CA10: variants seen among roughly 807,000 people sequenced by gnomAD.
CA10 encodes the protein carbonic anhydrase 10 (inactive), also known as carbonic anhydrase-related protein 10.
CA10 carries 14 observed loss-of-function variants against 44.2 expected under a neutral mutation model. The ratio of observed to expected loss-of-function variants is 0.32; its 90% CI spans 0.21 to 0.50. The LOEUF (loss-of-function observed/expected upper bound fraction) is 0.50. Ranked by LOEUF, CA10 falls within the 20% of genes least tolerant of loss-of-function variation. The pLI is 0.99. For synonymous variants in CA10, 159 were observed against 141.6 expected (o/e 1.12, Z -0.87); for missense variants, 350 against 409.7 (o/e 0.85, Z 1.26).
intron 3 of CA10, among the ~76,000 whole-genome samples, chr17:51,915,701 A>T (rs1469060691): frequency 6.6e-6 from 1 of 152,164 alleles, no homozygotes. Context: ...AATTCATCAC[A>T]AATCAGTATA....
At chr17:51,878,091 C>T (rs1489292471) in intron 3 of CA10, among the ~76,000 whole-genome samples, 1 of 138,414 alleles carries the variant, frequency 7.2e-6, no homozygotes. Flanking sequence ...TTACAGTGAG[C>T]CAAGATCGCA....
intron 2 of CA10, among the ~76,000 whole-genome samples, chr17:52,038,510 C>T (rs1288644193): frequency 6.6e-6 from 1 of 152,062 alleles, no homozygotes; most frequent in African/African-American, 2.4e-5. Context: ...CTGAATTAAA[C>T]ACTAAAGCAA....
chr17:51,779,261 T>G (rs1905950468), intron 3 of CA10, among the ~76,000 whole-genome samples: 1 of 152,106 alleles, frequency 6.6e-6, no homozygotes, highest in African/African-American at 2.4e-5. Flanking sequence ...GCCCTACATC[T>G]TCCCAGATGG....
intron 4 of CA10, among the ~76,000 whole-genome samples, chr17:51,706,399 C>T (rs1915763522): frequency 6.6e-6 from 1 of 152,198 alleles, no homozygotes; most frequent in African/African-American, 2.4e-5. Context: ...TTCTCCATAG[C>T]ATACCAAGTC....
intron 3 of CA10, among the ~76,000 whole-genome samples, chr17:51,885,701 C>G (rs538015275): frequency 6.6e-6 from 1 of 152,244 alleles, no homozygotes; most frequent in East Asian, 1.9e-4. Flanking sequence ...AAATCTTCTC[C>G]ATTCAACTGG....
intron 4 of CA10, among the ~76,000 whole-genome samples, chr17:51,726,201 T>C (rs1359279786): frequency 6.6e-6 from 1 of 152,182 alleles, no homozygotes; most frequent in Non-Finnish European, 1.5e-5. Context: ...TTTATGTAAA[T>C]GTGATGCCTC....
At chr17:52,092,628 G>C (rs1031121597) in intron 1 of CA10, among the ~76,000 whole-genome samples, 2 of 152,222 alleles carry the variant, frequency 1.3e-5, no homozygotes, top group South Asian at 2.1e-4. Context: ...AGAGCAACCA[G>C]CCCTCCATCC....
rs58984767 is a variant in CA10 at position 52,072,678 on chromosome 17, TACACACACAC to T, written c.62-295_62-286del. Among the ~76,000 whole-genome samples the T allele has an allele frequency of 6.9e-3, 967 of 140,174 alleles. 6 individuals are homozygous for T. The highest frequency in any genetic ancestry group is 0.018 in the African/African-American group (687 of 37,156). The allele number at this position is 140,174 out of a possible 152,430, so 92.0% of individuals were successfully genotyped here. A position where few individuals can be genotyped will look rare whatever the true frequency, so the allele number is the denominator to read the frequency against. On this transcript the variant is annotated intron_variant, in intron 1 of 8. Coordinates refer to ENST00000451037, the MANE Select transcript of CA10 (RefSeq NM_020178.5). ...CTACCTGTCCTCATCATCTTCCCCA[TACACACACAC>T]ACACACACACACACACACACACACA...
chr17:51,938,662 G>T (rs2144011038), intron 2 of CA10, among the ~76,000 whole-genome samples: 1 of 152,180 alleles, frequency 6.6e-6, no homozygotes, highest in African/African-American at 2.4e-5. Context: ...CCTTCTTCCT[G>T]TTTGTACTTG....
At chr17:51,740,195 C>A (rs1786806279) in intron 4 of CA10, among the ~76,000 whole-genome samples, 2 of 152,054 alleles carry the variant, frequency 1.3e-5, no homozygotes, top group South Asian at 4.2e-4. Context: ...CAATACGTAC[C>A]CTGTGCCCAT....
chr17:51,633,768 G>A (rs933673782), intron 7 of CA10, 118 bp from the exon 8 acceptor site: 17 of 1,081,152 alleles, frequency 1.6e-5, no homozygotes, highest in Middle Eastern at 3.1e-4. Flanking sequence ...GGAAAGGGCT[G>A]TATAAGCCCC....
At chr17:51,960,525 GA>G (rs767862909) in intron 2 of CA10, among the ~76,000 whole-genome samples, 1 of 152,042 alleles carries the variant, frequency 6.6e-6, no homozygotes, top group Admixed American at 6.5e-5. Context: ...TTTACATATA[GA>G]AAAAAATAAT....
intron 3 of CA10, among the ~76,000 whole-genome samples, chr17:51,899,876 TC>T: frequency 7.1e-6 from 1 of 141,236 alleles, no homozygotes; most frequent in African/African-American, 2.8e-5. Flanking sequence ...TGATTTGTTT[TC>T]CATTTGCTTG....
rs146485566 is a variant in CA10 at position 51,818,810 on chromosome 17, C to T, written c.280-70992G>A. On this transcript the variant is annotated intron_variant, in intron 3 of 8. Coordinates refer to ENST00000451037, the MANE Select transcript of CA10 (RefSeq NM_020178.5). ...TCCCTCCTGCAGATTCTTAGCTTCTCCATGTGTAAAACAAGAATAATAATA... is the reference window on the plus strand; with the variant it reads ...TCCCTCCTGCAGATTCTTAGCTTCTTCATGTGTAAAACAAGAATAATAATA... Among the ~76,000 whole-genome samples, 1,293 of 152,308 alleles carry T rather than the reference C, an allele frequency of 8.5e-3. 19 individuals carry two copies. The highest frequency in any genetic ancestry group is 0.029 in the African/African-American group (1,223 of 41,558).
chr17:51,688,331 C>T (rs1041448895), intron 4 of CA10, among the ~76,000 whole-genome samples: 5 of 152,152 alleles, frequency 3.3e-5, no homozygotes, highest in Non-Finnish European at 5.9e-5. Context: ...TTTTTTAAGT[C>T]ATTACATTTT....
chr17:51,925,246 C>T (rs203079), intron 3 of CA10, among the ~76,000 whole-genome samples: 103,282 of 151,826 alleles, frequency 0.68, 35,452 homozygotes, highest in Non-Finnish European at 0.71. Context: ...ATTATTTCTA[C>T]AACCTATCTC....
chr17:51,823,324 A>G (rs2075456), intron 3 of CA10, among the ~76,000 whole-genome samples: 10,406 of 152,254 alleles, frequency 0.068, 1,021 homozygotes, highest in African/African-American at 0.22. Flanking sequence ...CACTCAAGTC[A>G]CTGCAGTTCA....
intron 3 of CA10, among the ~76,000 whole-genome samples, chr17:51,841,583 C>G (rs1978320091): frequency 6.6e-6 from 1 of 152,170 alleles, no homozygotes. Context: ...AGAAATTGGA[C>G]TAGAGTTCAT....
At position 51,654,723 on chromosome 17, in the gene CA10, A is replaced by T. The variant is rs182636288; in HGVS notation, c.466-987T>A. ...AGGCGCATGTCACCACGCCAGGCTA[A>T]TTTTTTGTATTTTTAGTAGAGACGG... is the stretch of plus-strand genomic sequence containing the variant. On this transcript the variant is annotated intron_variant, in intron 4 of 8. Coordinates refer to ENST00000451037, the MANE Select transcript of CA10 (RefSeq NM_020178.5). Among the ~76,000 whole-genome samples the T allele has an allele frequency of 8.1e-3, 1,226 of 152,014 alleles. 16 individuals carry two copies. Among genetic ancestry groups the T allele is most frequent in the African/African-American group, 0.028 (1,174 of 41,450 alleles).
Sources: allele counts gnomAD v4.1 joint callset (sites outside exome capture counted in the v4.1 genomes callset), GRCh38; gene constraint gnomAD v4.1.1; transcripts MANE v1.5; gene names NCBI Gene and HGNC (gene_info 2026-07-23, HGNC 2026-07-21).